The following CDKAL1 variants were observed in gnomAD, a reference collection of about 807,000 sequenced individuals.
The protein encoded by CDKAL1 is CDKAL1 threonylcarbamoyladenosine tRNA methylthiotransferase.
Under a neutral mutation model 68.2 loss-of-function variants are expected in CDKAL1, and 32 were observed. The observed-to-expected ratio is 0.47, with a 90% confidence interval of 0.35 to 0.63. CDKAL1 has a LOEUF of 0.63. Ranked by LOEUF, CDKAL1 falls within the 30% of genes least tolerant of loss-of-function variation. The pLI, the probability that CDKAL1 is intolerant of heterozygous loss-of-function variation, is 0.00. For synonymous variants in CDKAL1, 234 were observed against 244.3 expected (o/e 0.96, Z 0.39); for missense variants, 606 against 696.7 (o/e 0.87, Z 1.47).
At chr6:20,931,789 A>G (rs1473521230) in intron 9 of CDKAL1, among the ~76,000 whole-genome samples, 2 of 152,202 alleles carry the variant, frequency 1.3e-5, no homozygotes, top group African/African-American at 4.8e-5. Context: ...TGAATAAAAC[A>G]CAGCTCCTTA....
At chr6:20,969,772 A>G (rs1215860485) in intron 10 of CDKAL1, among the ~76,000 whole-genome samples, 13 of 152,178 alleles carry the variant, frequency 8.5e-5, no homozygotes, top group Admixed American at 8.5e-4. Flanking sequence ...TCTGCCAAGT[A>G]TCAGGTTTAG....
At chr6:20,802,309 C>CAATAATAATAATAATAAT (rs202052759) in intron 8 of CDKAL1, among the ~76,000 whole-genome samples, 242 of 142,374 alleles carry the variant, frequency 1.7e-3, no homozygotes, top group Middle Eastern at 0.011. Flanking sequence ...AAAACAACAA[C>CAATAATAATAATAATAAT]AACAACAATA....
intron 9 of CDKAL1, among the ~76,000 whole-genome samples, chr6:20,909,234 T>C (rs1762361689): frequency 6.6e-6 from 1 of 151,820 alleles, no homozygotes; most frequent in South Asian, 2.1e-4. Flanking sequence ...TCTTGTTGAA[T>C]TTAAGCCCCT....
At chr6:20,731,422 A>G (rs1772920804) in intron 5 of CDKAL1, among the ~76,000 whole-genome samples, 1 of 152,178 alleles carries the variant, frequency 6.6e-6, no homozygotes, top group Non-Finnish European at 1.5e-5. Flanking sequence ...GAAACATGGT[A>G]TATTTCTGAG....
chr6:20,893,544 T>G (rs989087602), intron 9 of CDKAL1, among the ~76,000 whole-genome samples: 2 of 152,204 alleles, frequency 1.3e-5, no homozygotes, highest in East Asian at 1.9e-4. Context: ...TGCATAATTT[T>G]TTGTTCTGGG....
chr6:21,056,913 AT>A (rs1302645613), intron 11 of CDKAL1, among the ~76,000 whole-genome samples: 1 of 152,048 alleles, frequency 6.6e-6, no homozygotes, highest in Non-Finnish European at 1.5e-5. Context: ...GTGCTGCTGG[AT>A]TTTGTTTGCC....
At chr6:20,621,773 TG>T (rs1304360445) in intron 4 of CDKAL1, among the ~76,000 whole-genome samples, 13 of 37,316 alleles carry the variant, frequency 3.5e-4, no homozygotes, top group African/African-American at 4.3e-4. Flanking sequence ...CATACCTCAG[TG>T]TTTTTTTTTT....
At chr6:20,830,922 AT>A (rs35997536) in intron 8 of CDKAL1, among the ~76,000 whole-genome samples, 97,439 of 150,330 alleles carry the variant, frequency 0.65, 31,817 homozygotes, top group African/African-American at 0.68. Flanking sequence ...ATGTTTTTAG[AT>A]TTTTTTTTTT....
At chr6:21,176,104 T>C (rs1455225192) in intron 13 of CDKAL1, among the ~76,000 whole-genome samples, 1 of 152,266 alleles carries the variant, frequency 6.6e-6, no homozygotes, top group Non-Finnish European at 1.5e-5. Context: ...GGCTAATATT[T>C]GTAAATTGCT....
At chr6:20,930,935 G>C (rs1421760320) in intron 9 of CDKAL1, among the ~76,000 whole-genome samples, 1 of 149,980 alleles carries the variant, frequency 6.7e-6, no homozygotes, top group Non-Finnish European at 1.5e-5. Context: ...AGTAGAGACG[G>C]GGTTTCACCA....
chr6:21,161,352 C>G lies in CDKAL1; in HGVS notation c.1300-36669C>G, dbSNP rs531770833. On this transcript the variant is annotated intron_variant, in intron 13 of 15. Coordinates refer to ENST00000274695, the MANE Select transcript of CDKAL1 (RefSeq NM_017774.3). ...CCATCTTATAAGTAACAATGACTTTCTGCTTCATTAAAAAATTATTTATGC... is the reference window on the plus strand; with the variant it reads ...CCATCTTATAAGTAACAATGACTTTGTGCTTCATTAAAAAATTATTTATGC... Among the ~76,000 whole-genome samples, 299 of 152,238 alleles carry G rather than the reference C, an allele frequency of 2.0e-3. 1 individual carries two copies. The highest frequency in any genetic ancestry group is 3.4e-3 in the Non-Finnish European group (228 of 68,010).
intron 13 of CDKAL1, among the ~76,000 whole-genome samples, chr6:21,139,260 C>T (rs945235023): frequency 6.6e-6 from 1 of 152,158 alleles, no homozygotes; most frequent in South Asian, 2.1e-4. Flanking sequence ...ACAAAGAGAT[C>T]CACAAATCAC....
intron 9 of CDKAL1, among the ~76,000 whole-genome samples, chr6:20,929,349 G>A (rs1763324208): frequency 6.6e-6 from 1 of 152,180 alleles, no homozygotes; most frequent in African/African-American, 2.4e-5. Flanking sequence ...TGGGGGCAAG[G>A]ATAGCATTTT....
chr6:20,856,209 T>G (rs1485946834), intron 9 of CDKAL1, among the ~76,000 whole-genome samples: 2 of 152,192 alleles, frequency 1.3e-5, no homozygotes, highest in East Asian at 3.8e-4. Context: ...TGGGAAGACT[T>G]AACCAAGAGG....
chr6:21,096,167 C>T (rs1023760750), intron 12 of CDKAL1, among the ~76,000 whole-genome samples: 1 of 152,140 alleles, frequency 6.6e-6, no homozygotes, highest in African/African-American at 2.4e-5. Flanking sequence ...GAACAATTTT[C>T]GAGCTTCTCT....
intron 6 of CDKAL1, among the ~76,000 whole-genome samples, chr6:20,743,511 A>G (rs972240723): frequency 1.3e-5 from 2 of 152,206 alleles, no homozygotes; most frequent in Non-Finnish European, 2.9e-5. Flanking sequence ...AATTACTACC[A>G]TCATAACATG....
chr6:21,215,003 A>G (rs1165889165), intron 15 of CDKAL1, among the ~76,000 whole-genome samples: 2 of 152,220 alleles, frequency 1.3e-5, no homozygotes, highest in African/African-American at 4.8e-5. Context: ...TTTTGCCATG[A>G]TAAATGCCCT....
At chr6:21,106,197 T>C (rs1773835888) in intron 12 of CDKAL1, among the ~76,000 whole-genome samples, 1 of 152,200 alleles carries the variant, frequency 6.6e-6, no homozygotes, top group South Asian at 2.1e-4. Flanking sequence ...AAAATTGAAA[T>C]GAATTACAGA....
chr6:21,205,830 C>CTTTTTTTTTTTTT (rs34849597), intron 15 of CDKAL1, among the ~76,000 whole-genome samples: 11 of 66,600 alleles, frequency 1.7e-4, no homozygotes, highest in Middle Eastern at 9.1e-3. Flanking sequence ...CGCGCCCAGC[C>CTTTTTTTTTTTTT]TTTTTTTTTT....
Sources: gnomAD v4.1 joint callset for allele counts (sites outside exome capture counted in the v4.1 genomes callset) on GRCh38, gnomAD v4.1.1 for gene constraint, MANE v1.5 for transcripts, NCBI Gene and HGNC (gene_info 2026-07-23, HGNC 2026-07-21) for gene names.